GUSB: variants seen among roughly 807,000 people sequenced by gnomAD.
GUSB encodes beta-glucuronidase.
GUSB carries 51 observed loss-of-function variants against 74.6 expected under a neutral mutation model. That is an observed-to-expected ratio of 0.68 (90% CI 0.55 to 0.86). The LOEUF (loss-of-function observed/expected upper bound fraction) is 0.86. Among genes scored for constraint, GUSB ranks in the 40% least tolerant of loss-of-function variants. The probability of loss-of-function intolerance (pLI) is 0.00; values close to 1 mark genes in which losing one functional copy is unlikely to be tolerated. For missense variants in GUSB, 736 were observed against 853.7 expected, an observed-to-expected ratio of 0.86 and a Z score of 1.72; for synonymous variants, 360 against 348.3, an observed-to-expected ratio of 1.03 and a Z score of -0.37.
chr7:65,963,986 T>C (rs1790666023), intron 11 of GUSB, among the ~76,000 whole-genome samples: 1 of 152,152 alleles, frequency 6.6e-6, no homozygotes, highest in Admixed American at 6.6e-5. Flanking sequence ...GAATAATGAG[T>C]GTATCCCAAA....
intron 11 of GUSB, among the ~76,000 whole-genome samples, chr7:65,961,745 T>A (rs1790510392): frequency 2.0e-5 from 3 of 152,208 alleles, no homozygotes; most frequent in Non-Finnish European, 4.4e-5. Flanking sequence ...GGCTCATGCC[T>A]GTAATCCCAG....
intron 8 of GUSB, among the ~76,000 whole-genome samples, chr7:65,970,570 G>C (rs1217851075): frequency 1.3e-5 from 2 of 151,600 alleles, no homozygotes; most frequent in Non-Finnish European, 2.9e-5. Flanking sequence ...TGGCCAACAT[G>C]GTGAAACCCC....
chr7:65,975,051 C>T lies in GUSB; in HGVS notation c.933G>A (p.Thr311=), dbSNP rs188921177. 2.0e-5 allele frequency: 33 copies of T among 1,613,518 alleles called. No homozygotes were observed. The African/African-American group carries it at 3.6e-4, about 18-fold the overall frequency. ...YSLEVQLTAQ[T]SLGPVSDFYT... is the part of the protein sequence containing the mutation. ...AGAAGTCAGACACAGGCCCCAGTGA[C>T]GTCTGTGCAGTCAGCTGCACCTATG... Residue 311 remains threonine, a synonymous_variant, in exon 6 of 12, where the codon ACG becomes ACA. Transcript: ENST00000304895.
intron 1 of GUSB, chr7:65,980,649 G>A: frequency 1.8e-6 from 1 of 550,812 alleles, no homozygotes; most frequent in Non-Finnish European, 3.3e-6. Context: ...TGAGACAGGA[G>A]CAAGCCCAGG....
intron 9 of GUSB, among the ~76,000 whole-genome samples, chr7:65,968,958 A>G (rs1791021263): frequency 6.6e-6 from 1 of 152,196 alleles, no homozygotes. Flanking sequence ...AAGTCACTCC[A>G]AGGAGCAGGG....
chr7:65,970,484 G>A, intron 8 of GUSB, 118 bp from the exon 9 acceptor site: 1 of 691,078 alleles, frequency 1.4e-6, no homozygotes, highest in Admixed American at 2.0e-5. Context: ...AGGCACGATG[G>A]TTCACACCTG....
chr7:65,961,675 G>A (rs2115807973), intron 11 of GUSB, among the ~76,000 whole-genome samples: 1 of 152,158 alleles, frequency 6.6e-6, no homozygotes, highest in Admixed American at 6.5e-5. Context: ...TTCAAGATCA[G>A]CCTGGCCAAC....
At chr7:65,978,151 A>G (rs796228880) in intron 4 of GUSB, among the ~76,000 whole-genome samples, 16 of 152,310 alleles carry the variant, frequency 1.1e-4, no homozygotes, top group African/African-American at 3.8e-4. Context: ...ACTTAAAACA[A>G]AAATTTTTCT....
chr7:65,976,296 T>C, intron 4 of GUSB, 94 bp from the exon 5 acceptor site: 4 of 826,376 alleles, frequency 4.8e-6, no homozygotes, highest in East Asian at 2.5e-5. Flanking sequence ...CAGGCAGCCA[T>C]TTGTTTCTGT....
intron 11 of GUSB, among the ~76,000 whole-genome samples, chr7:65,963,285 C>T (rs1350940370): frequency 1.3e-5 from 2 of 152,106 alleles, no homozygotes; most frequent in African/African-American, 4.8e-5. Context: ...TTCCCTTTAC[C>T]TCTTCCTTCT....
rs1790932127 is a variant in GUSB at position 65,967,794 on chromosome 7, C to T, written c.1590G>A (p.Lys530=). The change falls in exon 10 of 12, where the codon AAG becomes AAA. Residue 530 remains lysine (K), a synonymous_variant. Coordinates refer to ENST00000304895, the MANE Select transcript of GUSB (RefSeq NM_000181.4). ...TCTGAATAATGGGCTTCTGATACTT[C>T]TTATACCAGTTCTCAAACTGGGTGG... ...QLATQFENWY[K]KYQKPIIQSE... 1 of 1,613,230 alleles carries T rather than the reference C, an allele frequency of 6.2e-7. No homozygotes were observed.
intron 9 of GUSB, 73 bp from the exon 10 acceptor site, chr7:65,967,980 C>A: frequency 7.9e-7 from 1 of 1,271,086 alleles, no homozygotes. Context: ...ACTGCGGGGG[C>A]TCCTCTGGCA....
intron 8 of GUSB, among the ~76,000 whole-genome samples, chr7:65,973,449 T>G (rs1179513144): frequency 6.6e-6 from 1 of 152,216 alleles, no homozygotes; most frequent in African/African-American, 2.4e-5. Flanking sequence ...TAGCAGGGTA[T>G]GTTGGCGTGT....
At chr7:65,970,655 A>T (rs557405345) in intron 8 of GUSB, among the ~76,000 whole-genome samples, 1 of 152,250 alleles carries the variant, frequency 6.6e-6, no homozygotes, top group Admixed American at 6.5e-5. Flanking sequence ...GCACTTTGGG[A>T]GGCCGAGGCG....
chr7:65,975,932 A>T, intron 5 of GUSB, 83 bp downstream of exon 5: 1 of 1,099,810 alleles, frequency 9.1e-7, no homozygotes, highest in Non-Finnish European at 1.3e-6. Flanking sequence ...CTGCCCATCC[A>T]CCTGTCTTGG....
chr7:65,974,152 G>T, intron 8 of GUSB, 143 bp downstream of exon 8: 2 of 741,844 alleles, frequency 2.7e-6, no homozygotes, highest in African/African-American at 1.8e-5. Flanking sequence ...GTAGATATTT[G>T]GTCCCCTGAA....
chr7:65,980,051 G>T, intron 2 of GUSB, 140 bp from the exon 3 acceptor site: 1 of 934,328 alleles, frequency 1.1e-6, no homozygotes. Flanking sequence ...CATCCCAATG[G>T]GGTAGATCAG....
Position 65,970,977 on chromosome 7 carries a change from G to T in GUSB, c.1392-611C>A, listed in dbSNP as rs191542154. Among the ~76,000 whole-genome samples, 9 of 151,886 alleles carry T rather than the reference G, an allele frequency of 5.9e-5. No individual in the cohort carries two copies. The East Asian group carries it at 1.7e-3, about 29-fold the overall frequency. On this transcript the variant is annotated intron_variant, in intron 8 of 11. Transcript: ENST00000304895. ...AACTTGAGATGTATTTTACATAAGGGCATATGATCCTCTAGTCCTAGACCG... is the reference window on the plus strand; with the variant it reads ...AACTTGAGATGTATTTTACATAAGGTCATATGATCCTCTAGTCCTAGACCG...
At chr7:65,967,676 G>A in intron 10 of GUSB, 55 bp downstream of exon 10, 1 of 1,420,756 alleles carries the variant, frequency 7.0e-7, no homozygotes, top group African/African-American at 1.4e-5. Flanking sequence ...TGGAGGAGGT[G>A]AGTGACATCT....
Sources: allele counts gnomAD v4.1 joint callset (sites outside exome capture counted in the v4.1 genomes callset), GRCh38; gene constraint gnomAD v4.1.1; transcripts MANE v1.5; gene names NCBI Gene and HGNC (gene_info 2026-07-23, HGNC 2026-07-21).